The following IL19 variants were observed in gnomAD, a reference collection of about 807,000 sequenced individuals.
IL19 encodes the protein interleukin 19, also known as interleukin-19.
Under a neutral mutation model 19.5 loss-of-function variants are expected in IL19, and 15 were observed. The ratio of observed to expected loss-of-function variants is 0.77; its 90% confidence interval spans 0.52 to 1.19. The LOEUF is 1.19. Ranked by LOEUF, IL19 falls within the 50% of genes most tolerant of loss-of-function variation. IL19 has a pLI of 0.00. For missense variants in IL19, 199 were observed against 213.1 expected, an observed-to-expected ratio of 0.93 and a Z score of 0.41; for synonymous variants, 78 against 78.3, an observed-to-expected ratio of 1.00 and a Z score of 0.02.
intron 2 of IL19, among the ~76,000 whole-genome samples, chr1:206,816,271 T>C (rs1413535138): frequency 6.6e-6 from 1 of 152,184 alleles, no homozygotes; most frequent in African/African-American, 2.4e-5. Context: ...TGCGTAAATG[T>C]ATAAGATTTT....
At chr1:206,793,186 C>T (rs906189613) in intron 1 of IL19, among the ~76,000 whole-genome samples, 2 of 152,214 alleles carry the variant, frequency 1.3e-5, no homozygotes, top group African/African-American at 2.4e-5. Flanking sequence ...AGCTAAATCC[C>T]GACGGGGACT....
At chr1:206,782,255 A>G (rs1321220543) in intron 1 of IL19, among the ~76,000 whole-genome samples, 1 of 151,990 alleles carries the variant, frequency 6.6e-6, no homozygotes, top group Non-Finnish European at 1.5e-5. Flanking sequence ...ATTTTTTTCC[A>G]AGCATTTTTA....
rs200783164 is a variant in IL19, at chr1:206,771,370, G to T, written c.-149+292G>T. 23 of 1,613,612 alleles carry T rather than the reference G, an allele frequency of 1.4e-5. No homozygotes were observed. Among genetic ancestry groups the T allele is most frequent in the Middle Eastern group, 1.7e-4 (1 of 6,018 alleles). On this transcript the variant is annotated intron_variant, in intron 1 of 6. Coordinates refer to ENST00000659997, the MANE Select transcript of IL19 (RefSeq NM_153758.5). Reference sequence around the variant, plus strand: ...CCTGCTCTCACCTTAAAGTCCTCCAGCAAGGACTCCTTTAACAACAAGTTG... The same window carrying T: ...CCTGCTCTCACCTTAAAGTCCTCCATCAAGGACTCCTTTAACAACAAGTTG...
At chr1:206,785,092 G>A (rs973987728) in intron 1 of IL19, among the ~76,000 whole-genome samples, 1 of 152,306 alleles carries the variant, frequency 6.6e-6, no homozygotes, top group African/African-American at 2.4e-5. Flanking sequence ...AAGGCGAGCA[G>A]GCAGGGAGGA....
In IL19 at chr1:206,812,675, C is replaced by A. The variant is rs748194769; in HGVS notation, c.-3+13669C>A. On this transcript the variant is annotated intron_variant, in intron 2 of 6. Coordinates refer to ENST00000659997, the MANE Select transcript of IL19 (RefSeq NM_153758.5). ...CAGACCCTTCAGGCCAGATGGATTACCCCACCACATAAAAAACCCCAACCG... is the reference window on the plus strand; with the variant it reads ...CAGACCCTTCAGGCCAGATGGATTAACCCACCACATAAAAAACCCCAACCG... 4.6e-5 allele frequency among the ~76,000 whole-genome samples: 7 copies of A among 152,112 alleles called. No individual in the cohort carries two copies. The South Asian group carries it at 1.4e-3, about 31-fold the overall frequency.
chr1:206,820,308 A>G (rs1676262316), intron 2 of IL19, among the ~76,000 whole-genome samples: 1 of 152,232 alleles, frequency 6.6e-6, no homozygotes. Context: ...TCAGTTTACC[A>G]GTCTGTAACC....
chr1:206,833,786 A>T (rs1228334722), intron 2 of IL19: 3 of 985,582 alleles, frequency 3.0e-6, no homozygotes, highest in East Asian at 1.1e-4. Context: ...GGGGAAATAG[A>T]TGATGTGCAA....
intron 1 of IL19, among the ~76,000 whole-genome samples, chr1:206,794,206 C>T (rs544167377): frequency 1.3e-5 from 2 of 152,200 alleles, no homozygotes; most frequent in Non-Finnish European, 2.9e-5. Context: ...TCATATGAAC[C>T]TTTCAGTTTC....
intron 2 of IL19, among the ~76,000 whole-genome samples, chr1:206,814,809 C>T (rs1676111801): frequency 1.3e-5 from 2 of 151,868 alleles, no homozygotes; most frequent in African/African-American, 2.4e-5. Flanking sequence ...AGGACTGTGT[C>T]AATGCAGAAG....
At chr1:206,814,091 GT>G (rs1676086566) in intron 2 of IL19, among the ~76,000 whole-genome samples, 1 of 152,090 alleles carries the variant, frequency 6.6e-6, no homozygotes, top group Non-Finnish European at 1.5e-5. Context: ...GGCTGATATA[GT>G]TATCTAGTTA....
At chr1:206,808,858 G>A (rs1349998388) in intron 2 of IL19, among the ~76,000 whole-genome samples, 1 of 152,220 alleles carries the variant, frequency 6.6e-6, no homozygotes, top group Non-Finnish European at 1.5e-5. Context: ...AGAGACAGAT[G>A]TAGTGAAGAG....
chr1:206,833,766 A>T, intron 2 of IL19: 1 of 985,490 alleles, frequency 1.0e-6, no homozygotes. Flanking sequence ...CCTCCAGGGG[A>T]CAAGATGAAG....
chr1:206,841,151 C>A, intron 6 of IL19, 73 bp downstream of exon 6: 1 of 1,148,802 alleles, frequency 8.7e-7, no homozygotes, highest in South Asian at 1.2e-5. Context: ...CCTTCAGCCT[C>A]CTCTCCACTT....
intron 1 of IL19, among the ~76,000 whole-genome samples, chr1:206,784,432 T>C (rs1157746784): frequency 6.6e-6 from 1 of 152,006 alleles, no homozygotes; most frequent in Non-Finnish European, 1.5e-5. Flanking sequence ...CTCTTCTAGC[T>C]CATAGCTTCT....
chr1:206,804,540 T>C (rs1165787782), intron 2 of IL19, among the ~76,000 whole-genome samples: 1 of 152,226 alleles, frequency 6.6e-6, no homozygotes, highest in Non-Finnish European at 1.5e-5. Flanking sequence ...GTGTGAGTCA[T>C]AGGCTGTGTC....
chr1:206,806,589 C>T (rs765093333), intron 2 of IL19, among the ~76,000 whole-genome samples: 3 of 152,168 alleles, frequency 2.0e-5, no homozygotes, highest in South Asian at 2.1e-4. Flanking sequence ...CGTATGCACT[C>T]GGAAAATACA....
chr1:206,797,234 T>C (rs1282641178), intron 1 of IL19, among the ~76,000 whole-genome samples: 1 of 152,006 alleles, frequency 6.6e-6, no homozygotes, highest in Non-Finnish European at 1.5e-5. Context: ...CAGGGCCCCA[T>C]GGGATTTTGC....
intron 2 of IL19, among the ~76,000 whole-genome samples, chr1:206,828,346 A>T (rs573751684): frequency 2.4e-4 from 36 of 152,236 alleles, no homozygotes; most frequent in Admixed American, 3.3e-4. Flanking sequence ...TTCCAAGTTT[A>T]ATCATAGCTC....
At chr1:206,840,810 C>CA (rs1248268596) in intron 5 of IL19, among the ~76,000 whole-genome samples, 194 bp from the exon 6 acceptor site, 1 of 152,118 alleles carries the variant, frequency 6.6e-6, no homozygotes, top group African/African-American at 2.4e-5. Flanking sequence ...GCAGAAAAAA[C>CA]AAAAGGCGTG....
Sources: allele counts gnomAD v4.1 joint callset (sites outside exome capture counted in the v4.1 genomes callset), GRCh38; gene constraint gnomAD v4.1.1; transcripts MANE v1.5; gene names NCBI Gene and HGNC (gene_info 2026-07-23, HGNC 2026-07-21).